The following TRPM7 variants were observed in gnomAD, a reference collection of about 807,000 sequenced individuals.
The protein encoded by TRPM7 is transient receptor potential cation channel subfamily M member 7.
A neutral mutation model predicts 229.7 loss-of-function variants in TRPM7; 134 were observed. That is an observed-to-expected ratio of 0.58 (90% CI 0.51 to 0.67). TRPM7 has a LOEUF of 0.67. Ranked by LOEUF, TRPM7 falls within the 30% of genes least tolerant of loss-of-function variation. The pLI is 0.00. For missense variants in TRPM7, 1,901 were observed against 2,210.0 expected (o/e 0.86, Z 2.80); for synonymous variants, 699 against 715.2 (o/e 0.98, Z 0.36).
chr15:50,580,839 C>T, intron 30 of TRPM7, 35 bp downstream of exon 30: 2 of 1,571,442 alleles, frequency 1.3e-6, no homozygotes, highest in Non-Finnish European at 1.7e-6. Flanking sequence ...AACTATGATA[C>T]TTCGCAAGCT....
At chr15:50,670,765 T>C (rs2061968958) in intron 1 of TRPM7, among the ~76,000 whole-genome samples, 2 of 151,466 alleles carry the variant, frequency 1.3e-5, no homozygotes, top group Non-Finnish European at 2.9e-5. Context: ...GTTTATTTAC[T>C]TTCCTAATAA....
chr15:50,669,698 T>A (rs1218253928), intron 1 of TRPM7, among the ~76,000 whole-genome samples: 1 of 152,112 alleles, frequency 6.6e-6, no homozygotes, highest in Non-Finnish European at 1.5e-5. Context: ...TCTAGTCTCA[T>A]CAGTTGTTTG....
At chr15:50,612,910 T>C in intron 15 of TRPM7, 81 bp from the exon 16 acceptor site, 2 of 1,269,282 alleles carry the variant, frequency 1.6e-6, no homozygotes, top group Admixed American at 2.4e-5. Context: ...TAGTAAAATA[T>C]CTTTACATTA....
chr15:50,572,041 A>G (rs1391884091), intron 36 of TRPM7, among the ~76,000 whole-genome samples: 1 of 152,236 alleles, frequency 6.6e-6, no homozygotes, highest in Non-Finnish European at 1.5e-5. Context: ...CATGCCCGTA[A>G]TCCTAGCACT....
At position 50,566,365 on chromosome 15, in the gene TRPM7, C is replaced by G. The variant is rs185353714; in HGVS notation, c.5467+3522G>C. Among the ~76,000 whole-genome samples the G allele has an allele frequency of 4.0e-5, 6 of 151,798 alleles. No homozygotes were observed. In the East Asian group the frequency reaches 1.2e-3, roughly 29 times the overall value. ...TTTGAGGGATGGAGCTAAAACAATG[C>G]TTAGAGGGAAAATTATAGCACTCAA... On this transcript the variant is annotated intron_variant, in intron 38 of 38. Transcript: ENST00000646667.
Position 50,657,816 on chromosome 15 carries a change from G to T in TRPM7, c.87C>A (p.Cys29Ter). 6.2e-7 allele frequency: 1 copy of T among 1,610,474 alleles called. No homozygotes were observed. Among genetic ancestry groups the T allele is most frequent in the Non-Finnish European group, 8.5e-7 (1 of 1,177,716 alleles). ...GCTGACAAATTTGACATCCTGGAAG[G>T]CATCTATTGAACACAAAAAGGTAAA... Reference protein sequence around the residue: ...IIPSSKDPHRCLPGCQICQQL... With the variant: ...IIPSSKDPHR Residue 29 changes from cysteine to a stop codon, truncating the protein, a stop_gained, in exon 3 of 39, where the codon TGC becomes TGA. Coordinates refer to ENST00000646667, the MANE Select transcript of TRPM7 (RefSeq NM_017672.6). LOFTEE classifies it high-confidence loss of function.
chr15:50,575,189 C>A, intron 33 of TRPM7, 54 bp from the exon 34 acceptor site: 2 of 1,465,074 alleles, frequency 1.4e-6, no homozygotes, highest in Non-Finnish European at 9.1e-7. Flanking sequence ...TTAAAAACGA[C>A]AAAGTAAAAT....
At chr15:50,638,674 T>C (rs1596277189) in intron 6 of TRPM7, among the ~76,000 whole-genome samples, 1 of 150,622 alleles carries the variant, frequency 6.6e-6, no homozygotes, top group East Asian at 2.0e-4. Context: ...AATTCAGTAA[T>C]TGTATGTATG....
chr15:50,591,731 C>T lies in TRPM7; in HGVS notation c.4324+180G>A, dbSNP rs151225379. On this transcript the variant is annotated intron_variant, in intron 26 of 38. Coordinates refer to ENST00000646667, the MANE Select transcript of TRPM7 (RefSeq NM_017672.6). ...CAGGCTGGTCCTCAACTCCTGGGCT[C>T]AAGCAATCCTCCCCACTCAGCCTCC... Among the ~76,000 whole-genome samples, 257 of 152,192 alleles carry T rather than the reference C, an allele frequency of 1.7e-3. 1 individual carries two copies. Among genetic ancestry groups the T allele is most frequent in the African/African-American group, 5.9e-3 (246 of 41,530 alleles).
chr15:50,619,229 T>A (rs1326185301), intron 13 of TRPM7, among the ~76,000 whole-genome samples: 2 of 151,302 alleles, frequency 1.3e-5, no homozygotes, highest in Admixed American at 1.3e-4. Context: ...TTTTCTTTTT[T>A]TTTTTTTTTG....
intron 21 of TRPM7, among the ~76,000 whole-genome samples, chr15:50,600,653 A>C (rs1389466596): frequency 6.6e-6 from 1 of 152,242 alleles, no homozygotes; most frequent in Non-Finnish European, 1.5e-5. Context: ...ATATATTTTT[A>C]AAATGAATAT....
intron 2 of TRPM7, among the ~76,000 whole-genome samples, chr15:50,661,037 G>A (rs1027558269): frequency 1.3e-5 from 2 of 150,828 alleles, no homozygotes; most frequent in Admixed American, 6.6e-5. Flanking sequence ...GTGCAGCAGT[G>A]TGGATCTCAG....
chr15:50,570,192 A>C (rs1222199995), intron 36 of TRPM7, 37 bp from the exon 37 acceptor site: 1 of 1,420,712 alleles, frequency 7.0e-7, no homozygotes, highest in South Asian at 1.3e-5. Context: ...AATAATTTAT[A>C]TTATATAATT....
intron 1 of TRPM7, among the ~76,000 whole-genome samples, chr15:50,683,210 T>C (rs1596359189): frequency 6.8e-6 from 1 of 146,794 alleles, no homozygotes; most frequent in Non-Finnish European, 1.5e-5. Context: ...CTTAAAGCAT[T>C]TGACATTTAA....
chr15:50,593,668 T>A lies in TRPM7; in HGVS notation c.3557A>T (p.Asp1186Val). The change falls in exon 25 of 39, where the codon GAT (aspartate) becomes GTT (valine). Residue 1186 changes from aspartate (D) to valine (V), a missense_variant. Asp to Val is a radical substitution (Grantham distance 152). This residue lies in a region of TRPM7 where 533 missense variants were observed against 497.1 expected (regional missense o/e 1.07). Transcript: ENST00000646667. ...QCVEMYFNEK[D>V]DKFHSGSEER... ...TTCACTCCCAGAATGAAATTTGTCA[T>A]CTTTTTCATTGAAATACATTTCAAC... The A allele has an allele frequency of 6.2e-7, 1 of 1,612,246 alleles. No homozygotes were observed. Among genetic ancestry groups the A allele is most frequent in the South Asian group, 1.1e-5 (1 of 90,688 alleles).
chr15:50,579,492 C>CG (rs1315647401), intron 30 of TRPM7, among the ~76,000 whole-genome samples: 1 of 152,196 alleles, frequency 6.6e-6, no homozygotes, highest in Non-Finnish European at 1.5e-5. Flanking sequence ...ATCAATCACT[C>CG]TTTTCTCAGC....
At position 50,655,427 on chromosome 15, in the gene TRPM7, C is replaced by T. The variant is rs1353235870; in HGVS notation, c.122+2354G>A. Among the ~76,000 whole-genome samples the T allele has an allele frequency of 3.6e-5, 5 of 139,554 alleles. No individual in the cohort carries two copies. The South Asian group carries it at 1.2e-3, about 33-fold the overall frequency. The allele number at this position is 139,554 out of a possible 152,430, so 91.6% of individuals were successfully genotyped here. On this transcript the variant is annotated intron_variant, in intron 3 of 38. Coordinates refer to ENST00000646667, the MANE Select transcript of TRPM7 (RefSeq NM_017672.6). Reference sequence around the variant, plus strand: ...CAGCCTGGACAACAGACCAAGACTCCATCTCAAAGGAAAAAAAAAACAAAA... The same window carrying T: ...CAGCCTGGACAACAGACCAAGACTCTATCTCAAAGGAAAAAAAAAACAAAA...
intron 1 of TRPM7, among the ~76,000 whole-genome samples, chr15:50,678,521 T>A (rs796965300): frequency 0.29 from 33,017 of 114,964 alleles, 4,251 homozygotes; most frequent in East Asian, 0.45. Flanking sequence ...AAAAAAAATA[T>A]ATATATATAT....
Position 50,584,936 on chromosome 15 carries a change from C to T in TRPM7, c.4486+1456G>A, listed in dbSNP as rs940597855. On this transcript the variant is annotated intron_variant, in intron 28 of 38. Transcript: ENST00000646667. ...CATTGCACAGGCTGGAGTGCAGTCG[C>T]GCTATCTTGGCTCACTGCAACCTCC... Among the ~76,000 whole-genome samples, 8 of 152,130 alleles carry T rather than the reference C, an allele frequency of 5.3e-5. No individual in the cohort carries two copies. In the East Asian group the frequency reaches 5.8e-4, roughly 11 times the overall value.
Sources: allele counts gnomAD v4.1 joint callset (sites outside exome capture counted in the v4.1 genomes callset), GRCh38; gene constraint gnomAD v4.1.1; regional missense constraint gnomAD v4.1.1; transcripts MANE v1.5; gene names NCBI Gene and HGNC (gene_info 2026-07-23, HGNC 2026-07-21).